SLC38A8: variants seen among roughly 807,000 people sequenced by gnomAD.
SLC38A8 encodes solute carrier family 38 member 8.
In SLC38A8, 65 loss-of-function variants were observed where a neutral mutation model predicts 46.0. The ratio of observed to expected loss-of-function variants is 1.41; its 90% confidence interval spans 1.16 to 1.74. The LOEUF is 1.74. Among genes scored for constraint, SLC38A8 ranks in the 40% most tolerant of loss-of-function variants. SLC38A8 has a pLI of 0.00. For synonymous variants in SLC38A8, 447 were observed against 243.7 expected (o/e 1.83, Z -7.77); for missense variants, 998 against 567.9 (o/e 1.76, Z -7.70).
intron 6 of SLC38A8, among the ~76,000 whole-genome samples, chr16:84,027,467 C>A (rs2085178838): frequency 6.6e-6 from 1 of 152,234 alleles, no homozygotes; most frequent in African/African-American, 2.4e-5. Flanking sequence ...CTCTCACTGA[C>A]TGGACAGGCC....
intron 6 of SLC38A8, among the ~76,000 whole-genome samples, chr16:84,029,018 T>C (rs144335861): frequency 6.6e-6 from 1 of 152,232 alleles, no homozygotes; most frequent in East Asian, 1.9e-4. Context: ...CAGCTCCCTG[T>C]ACACCTTCCA....
In SLC38A8 at chr16:84,033,311, A is replaced by C; in HGVS notation, c.530+17T>G. ...AGCAAGGTGGGGGCCCCCACCAGGC[A>C]GCATCCCAGCCCTTACCTTGTGTAT... On this transcript the variant is annotated intron_variant, in intron 4 of 10. Coordinates refer to ENST00000299709, the MANE Select transcript of SLC38A8 (RefSeq NM_001080442.3). 1 of 1,613,950 alleles carries C rather than the reference A, an allele frequency of 6.2e-7. No individual in the cohort carries two copies. The highest frequency in any genetic ancestry group is 8.5e-7 in the Non-Finnish European group (1 of 1,179,934).
At chr16:84,039,456 G>C (rs1027938805) in intron 2 of SLC38A8, among the ~76,000 whole-genome samples, 3 of 152,080 alleles carry the variant, frequency 2.0e-5, no homozygotes, top group Non-Finnish European at 4.4e-5. Context: ...TGGTTGAAAG[G>C]CAGGGGGGCC....
chr16:84,040,747 C>G (rs933986462), intron 2 of SLC38A8, among the ~76,000 whole-genome samples: 4 of 152,226 alleles, frequency 2.6e-5, no homozygotes, highest in Admixed American at 6.5e-5. Flanking sequence ...GGCTTCCGAC[C>G]ACGCCATGTC....
chr16:84,016,683 C>T lies in SLC38A8; in HGVS notation c.998G>A (p.Trp333Ter). 1 of 1,613,476 alleles carries T rather than the reference C, an allele frequency of 6.2e-7. No individual in the cohort carries two copies. The change falls in exon 9 of 11, where the codon TGG becomes TAG. Residue 333 changes from tryptophan (W) to a stop codon, truncating the protein, a stop_gained. Transcript: ENST00000299709. LOFTEE classifies it high-confidence loss of function. Reference protein sequence around the residue: ...DFWRRSCLGGWGPSALADPSG... With the variant: ...DFWRRSCLGG ...GGGGTCGGCCAGGGCGCTGGGCCCC[C>T]ATCCCCCCAAGCAGCTCCTCCTCCA...
chr16:84,038,969 T>C (rs1328486057), intron 2 of SLC38A8, among the ~76,000 whole-genome samples: 1 of 152,366 alleles, frequency 6.6e-6, no homozygotes, highest in South Asian at 2.1e-4. Context: ...TTTTTGCAGA[T>C]GTCCACAAGG....
chr16:84,018,750 CG>C (rs1326608738), intron 7 of SLC38A8, among the ~76,000 whole-genome samples: 1 of 152,076 alleles, frequency 6.6e-6, no homozygotes, highest in Non-Finnish European at 1.5e-5. Flanking sequence ...TCTGATGAAG[CG>C]GCCGAAATGA....
At chr16:84,013,435 T>TGTTTGTTTTTTTGTTG (rs1555551880) in intron 9 of SLC38A8, among the ~76,000 whole-genome samples, 36 of 130,696 alleles carry the variant, frequency 2.8e-4, no homozygotes, top group African/African-American at 1.1e-3. Flanking sequence ...TTTTTTTTTT[T>TGTTTGTTTTTTTGTTG]TTTTTTTTTT....
chr16:84,012,964 C>T (rs1480517121), intron 10 of SLC38A8, 37 bp downstream of exon 10: 1 of 1,610,282 alleles, frequency 6.2e-7, no homozygotes, highest in Admixed American at 1.7e-5. Flanking sequence ...TGATCCGGGG[C>T]ACACCCAGGG....
intron 10 of SLC38A8, among the ~76,000 whole-genome samples, chr16:84,010,569 C>G (rs1231895796): frequency 6.6e-6 from 1 of 151,966 alleles, no homozygotes; most frequent in Non-Finnish European, 1.5e-5. Flanking sequence ...TGGTGAAACC[C>G]CATCTCTACT....
chr16:84,020,937 AT>A (rs1037407024), intron 7 of SLC38A8, among the ~76,000 whole-genome samples: 4 of 152,094 alleles, frequency 2.6e-5, no homozygotes, highest in African/African-American at 9.7e-5. Flanking sequence ...TTGATGATCA[AT>A]TTCATCTTCA....
Position 84,022,702 on chromosome 16 carries a change from G to A in SLC38A8, c.805+73C>T, listed in dbSNP as rs1196615708. 1.2e-5 allele frequency: 14 copies of A among 1,163,808 alleles called. No individual in the cohort carries two copies. In the East Asian group the frequency reaches 3.1e-4, roughly 26 times the overall value. The allele number at this position is 1,163,808 out of a possible 1,614,324, so 72.1% of individuals were successfully genotyped here. ...CCCAGCACGTGGTAAACTCTCTAGA[G>A]AGATACTCGCTGTTACTCTTGTTTC... On this transcript the variant is annotated intron_variant, in intron 7 of 10. Transcript: ENST00000299709.
chr16:84,017,712 A>C (rs1415148570), intron 7 of SLC38A8, among the ~76,000 whole-genome samples: 1 of 152,218 alleles, frequency 6.6e-6, no homozygotes, highest in Non-Finnish European at 1.5e-5. Flanking sequence ...AATACCTAGA[A>C]TCACACAGCT....
chr16:84,040,731 C>T (rs1436499869), intron 2 of SLC38A8, among the ~76,000 whole-genome samples: 2 of 152,238 alleles, frequency 1.3e-5, no homozygotes, highest in Admixed American at 6.5e-5. Flanking sequence ...GTCACCTCCT[C>T]CGAGAGGCTT....
chr16:84,038,539 T>C (rs1292754986), intron 2 of SLC38A8, among the ~76,000 whole-genome samples: 1 of 152,202 alleles, frequency 6.6e-6, no homozygotes, highest in Non-Finnish European at 1.5e-5. Context: ...GTGCCTACCA[T>C]GCATTAGAGC....
intron 2 of SLC38A8, 91 bp from the exon 3 acceptor site, chr16:84,036,991 C>T: frequency 2.3e-6 from 3 of 1,316,228 alleles, no homozygotes; most frequent in Non-Finnish European, 2.1e-6. Flanking sequence ...CTCCACATGG[C>T]TTCTCATCCA....
Position 84,026,115 on chromosome 16 carries a change from G to A in SLC38A8, c.691-3226C>T, listed in dbSNP as rs1441992505. Among the ~76,000 whole-genome samples the A allele has an allele frequency of 2.0e-5, 3 of 152,362 alleles. No homozygotes were observed. The South Asian group carries it at 6.2e-4, about 32-fold the overall frequency. On this transcript the variant is annotated intron_variant, in intron 6 of 10. Coordinates refer to ENST00000299709, the MANE Select transcript of SLC38A8 (RefSeq NM_001080442.3). ...CCCGAACGGCAGCTCTGCGTATAGG[G>A]GCACAGCTGAGTCCAATATAAGGGA...
At chr16:84,039,987 T>G (rs2085350152) in intron 2 of SLC38A8, 1 of 152,206 alleles carries the variant, frequency 6.6e-6, no homozygotes, top group African/African-American at 2.4e-5. Context: ...CCTGCTTAGC[T>G]CCTGAGATCA....
chr16:84,019,723 G>A (rs1463608084), intron 7 of SLC38A8, among the ~76,000 whole-genome samples: 3 of 152,234 alleles, frequency 2.0e-5, no homozygotes, highest in East Asian at 1.9e-4. Context: ...CTGTGAGCCT[G>A]TGAAATCAAA....
Sources: allele counts gnomAD v4.1 joint callset (sites outside exome capture counted in the v4.1 genomes callset), GRCh38; gene constraint gnomAD v4.1.1; transcripts MANE v1.5; gene names NCBI Gene and HGNC (gene_info 2026-07-23, HGNC 2026-07-21).